Variants in ADGRL3 observed in about 807,000 individuals in gnomAD.
ADGRL3 encodes the protein adhesion G protein-coupled receptor L3, also known as calcium-independent alpha-latrotoxin receptor 3.
A neutral mutation model predicts 153.5 loss-of-function variants in ADGRL3; 62 were observed. The observed-to-expected ratio is 0.40, with a 90% CI of 0.33 to 0.50. The LOEUF (loss-of-function observed/expected upper bound fraction) is 0.50. ADGRL3 is among the 20% of genes least tolerant of loss of function. The probability of loss-of-function intolerance (pLI) is 0.47; values close to 1 mark genes in which losing one functional copy is unlikely to be tolerated. For synonymous variants in ADGRL3, 710 were observed against 672.5 expected (o/e 1.06, Z -0.86); for missense variants, 1,641 against 1,859.4 (o/e 0.88, Z 2.16).
At chr4:61,584,393 G>A (rs1223128370) in intron 4 of ADGRL3, among the ~76,000 whole-genome samples, 9 of 151,846 alleles carry the variant, frequency 5.9e-5, no homozygotes, top group African/African-American at 1.4e-4. Context: ...TTTGGACCCC[G>A]ACATTTTAAC....
chr4:61,930,047 G>T (rs2150086833), intron 13 of ADGRL3, among the ~76,000 whole-genome samples: 1 of 152,054 alleles, frequency 6.6e-6, no homozygotes, highest in African/African-American at 2.4e-5. Context: ...GTGGTGACGG[G>T]CGCCTGTAGT....
At chr4:61,639,020 G>A (rs2093551358) in intron 5 of ADGRL3, among the ~76,000 whole-genome samples, 2 of 152,044 alleles carry the variant, frequency 1.3e-5, no homozygotes, top group South Asian at 4.1e-4. Context: ...CATTTCCTAA[G>A]CCAGTCAGAC....
rs1467377818 is a variant in ADGRL3, at chr4:61,202,653, T to A, written c.-240+888T>A. Among the ~76,000 whole-genome samples, 2 of 152,140 alleles carry A rather than the reference T, an allele frequency of 1.3e-5. No homozygotes were observed. The highest frequency in any genetic ancestry group is 4.8e-5 in the African/African-American group (2 of 41,442). ...CTGAGGAGAAGGGAAGGCTCCAGGC[T>A]GCAGCGCAGCGTCTGAGCTGCCGCG... On this transcript the variant is annotated intron_variant, in intron 1 of 26. Coordinates refer to ENST00000683033, the MANE Select transcript of ADGRL3 (RefSeq NM_001387552.1). The surrounding 1 kb of genome is among the most constrained non-coding windows in gnomAD (Gnocchi z 5.0).
chr4:61,706,425 CAAAA>C (rs56955396), intron 6 of ADGRL3, among the ~76,000 whole-genome samples: 6 of 130,044 alleles, frequency 4.6e-5, no homozygotes, highest in East Asian at 2.2e-4. Context: ...GACTCCCTCT[CAAAA>C]AAAAAAAAAA....
intron 3 of ADGRL3, among the ~76,000 whole-genome samples, chr4:61,502,560 C>T (rs928018192): frequency 6.6e-6 from 1 of 150,676 alleles, no homozygotes; most frequent in African/African-American, 2.4e-5. Flanking sequence ...TACTGGTTAG[C>T]CTGCATTTTA....
intron 8 of ADGRL3, among the ~76,000 whole-genome samples, chr4:61,806,832 G>A (rs752027852): frequency 3.3e-5 from 5 of 151,842 alleles, no homozygotes; most frequent in South Asian, 2.1e-4. Context: ...ACGATGAATC[G>A]TATTTTCAAA....
At chr4:61,447,895 A>G (rs979955919) in intron 2 of ADGRL3, among the ~76,000 whole-genome samples, 2 of 152,204 alleles carry the variant, frequency 1.3e-5, no homozygotes, top group African/African-American at 4.8e-5. Context: ...ACTTCTGTTC[A>G]TATAAAAACA....
intron 8 of ADGRL3, among the ~76,000 whole-genome samples, chr4:61,795,470 G>C (rs901281991): frequency 1.3e-5 from 2 of 152,158 alleles, no homozygotes; most frequent in Admixed American, 1.3e-4. Context: ...CTACTGATTA[G>C]AATTCTTGCA....
chr4:61,989,083 A>G (rs569117754), intron 19 of ADGRL3, among the ~76,000 whole-genome samples: 2 of 152,184 alleles, frequency 1.3e-5, no homozygotes, highest in Admixed American at 1.3e-4. Context: ...TTTTCACTTC[A>G]TCATCTAACC....
intron 6 of ADGRL3, among the ~76,000 whole-genome samples, chr4:61,685,108 G>A (rs954350060): frequency 6.6e-6 from 1 of 151,752 alleles, no homozygotes; most frequent in African/African-American, 2.4e-5. Flanking sequence ...GTAGAGACAG[G>A]GGTCTCACTA....
At chr4:62,048,783 C>A (rs1046078951) in intron 25 of ADGRL3, among the ~76,000 whole-genome samples, 1 of 151,392 alleles carries the variant, frequency 6.6e-6, no homozygotes, top group Non-Finnish European at 1.5e-5. Context: ...GAAGTCCTGG[C>A]CTCAAGCAGT....
intron 4 of ADGRL3, among the ~76,000 whole-genome samples, chr4:61,532,547 C>CGTGTGTGTGT (rs1476156297): frequency 6.4e-5 from 4 of 62,184 alleles, no homozygotes; most frequent in African/African-American, 1.4e-4. Flanking sequence ...CGCGCGCGCG[C>CGTGTGTGTGT]GCGCGCGCGT....
At chr4:61,283,302 A>G (rs2093796732) in intron 1 of ADGRL3, among the ~76,000 whole-genome samples, 1 of 152,058 alleles carries the variant, frequency 6.6e-6, no homozygotes, top group Non-Finnish European at 1.5e-5. Flanking sequence ...GTTTTATGGT[A>G]ACTGCAGCCA....
chr4:61,845,426 C>G (rs746136998), intron 9 of ADGRL3, among the ~76,000 whole-genome samples: 7 of 152,056 alleles, frequency 4.6e-5, no homozygotes, highest in Admixed American at 4.6e-4. Flanking sequence ...TCATGGCGCA[C>G]TGCACCCTCA....
At chr4:61,554,064 A>G (rs10015095) in intron 4 of ADGRL3, among the ~76,000 whole-genome samples, 1 of 151,126 alleles carries the variant, frequency 6.6e-6, no homozygotes, top group Admixed American at 6.6e-5. Flanking sequence ...CTCAAAGTCA[A>G]AGCTACAGAT....
intron 2 of ADGRL3, among the ~76,000 whole-genome samples, chr4:61,436,179 T>C (rs1325243351): frequency 3.3e-5 from 5 of 152,164 alleles, no homozygotes; most frequent in Admixed American, 6.5e-5. Flanking sequence ...TTACATTTAT[T>C]GTAAAACATT....
chr4:61,892,214 T>C (rs1038901441), intron 9 of ADGRL3, among the ~76,000 whole-genome samples: 16 of 151,504 alleles, frequency 1.1e-4, no homozygotes, highest in Non-Finnish European at 2.1e-4. Context: ...ACCTATTTGC[T>C]GCATATTTAG....
chr4:61,960,775 A>G (rs535091398), intron 17 of ADGRL3, among the ~76,000 whole-genome samples: 1 of 152,032 alleles, frequency 6.6e-6, no homozygotes, highest in Non-Finnish European at 1.5e-5. Flanking sequence ...CAGTGGCACA[A>G]TCTCGGCTCA....
chr4:61,442,850 T>C (rs1200871807), intron 2 of ADGRL3, among the ~76,000 whole-genome samples: 1 of 152,184 alleles, frequency 6.6e-6, no homozygotes, highest in Non-Finnish European at 1.5e-5. Flanking sequence ...TATTTTTTAT[T>C]ATAGTTTTTC....
Sources: allele counts gnomAD v4.1 joint callset (sites outside exome capture counted in the v4.1 genomes callset), GRCh38; gene constraint gnomAD v4.1.1; non-coding constraint Gnocchi (gnomAD v3.1); transcripts MANE v1.5; gene names NCBI Gene and HGNC (gene_info 2026-07-23, HGNC 2026-07-21).